Variants in RUNX2 observed in about 807,000 individuals in gnomAD.
RUNX2 encodes runt-related transcription factor 2.
RUNX2 carries 10 observed loss-of-function variants against 51.7 expected under a neutral mutation model. The observed-to-expected ratio is 0.19, with a 90% confidence interval of 0.12 to 0.33. The LOEUF (loss-of-function observed/expected upper bound fraction) is 0.33. Ranked by LOEUF, RUNX2 falls within the 10% of genes least tolerant of loss-of-function variation. The probability of loss-of-function intolerance (pLI) is 1.00; values close to 1 mark genes in which losing one functional copy is unlikely to be tolerated. For missense variants in RUNX2, 562 were observed against 691.3 expected (o/e 0.81, Z 2.10); for synonymous variants, 276 against 273.6 (o/e 1.01, Z -0.09).
chr6:45,396,870 A>G (rs1199812688), intron 2 of RUNX2, among the ~76,000 whole-genome samples: 1 of 152,212 alleles, frequency 6.6e-6, no homozygotes, highest in Non-Finnish European at 1.5e-5. Context: ...AACAATATCC[A>G]TTGAACAGAT....
At chr6:45,512,996 G>A (rs946314093) in intron 7 of RUNX2, among the ~76,000 whole-genome samples, 2 of 152,144 alleles carry the variant, frequency 1.3e-5, no homozygotes, top group East Asian at 3.9e-4. Context: ...CATAATGCAT[G>A]CTGCTGTCAC....
intron 5 of RUNX2, among the ~76,000 whole-genome samples, chr6:45,450,631 T>G: frequency 6.6e-6 from 1 of 151,814 alleles, no homozygotes; most frequent in African/African-American, 2.4e-5. Flanking sequence ...TATTGAAGAG[T>G]GGTCCAAGGA....
chr6:45,396,620 G>C (rs890306598), intron 2 of RUNX2, among the ~76,000 whole-genome samples: 7 of 152,162 alleles, frequency 4.6e-5, no homozygotes, highest in African/African-American at 1.7e-4. Context: ...TGTTCAGCCT[G>C]CTCTCAAATT....
chr6:45,507,876 G>C (rs186099847), intron 6 of RUNX2, among the ~76,000 whole-genome samples: 5 of 152,332 alleles, frequency 3.3e-5, no homozygotes, highest in Admixed American at 3.3e-4. Flanking sequence ...CAGTAAGATA[G>C]AGTCTTTAAC....
chr6:45,426,503 G>A (rs1311686855), intron 3 of RUNX2, among the ~76,000 whole-genome samples: 1 of 152,194 alleles, frequency 6.6e-6, no homozygotes, highest in African/African-American at 2.4e-5. Flanking sequence ...GTGAAGCCTG[G>A]TGTTCAGGGT....
At chr6:45,493,904 T>G (rs1418637640) in intron 6 of RUNX2, among the ~76,000 whole-genome samples, 1 of 152,180 alleles carries the variant, frequency 6.6e-6, no homozygotes. Context: ...ATTTCTGTAT[T>G]CTGATCATTA....
chr6:45,331,156 A>G (rs1787426881), intron 2 of RUNX2, among the ~76,000 whole-genome samples: 1 of 151,862 alleles, frequency 6.6e-6, no homozygotes, highest in South Asian at 2.1e-4. Context: ...CTAGAGAAAG[A>G]GTATGTCTGT....
At chr6:45,508,524 G>T (rs915441958) in intron 6 of RUNX2, among the ~76,000 whole-genome samples, 1 of 151,958 alleles carries the variant, frequency 6.6e-6, no homozygotes, top group Non-Finnish European at 1.5e-5. Flanking sequence ...CACTGCTCCC[G>T]GCCTATTTTA....
chr6:45,357,075 C>T (rs545904688), intron 2 of RUNX2, among the ~76,000 whole-genome samples: 1 of 151,880 alleles, frequency 6.6e-6, no homozygotes, highest in South Asian at 2.1e-4. Flanking sequence ...GGCACGATCT[C>T]GGCTCACTGC....
chr6:45,369,770 C>T (rs1225465178), intron 2 of RUNX2, among the ~76,000 whole-genome samples: 1 of 152,092 alleles, frequency 6.6e-6, no homozygotes, highest in Non-Finnish European at 1.5e-5. Flanking sequence ...CATTATAATG[C>T]AAGAGACAAG....
intron 2 of RUNX2, among the ~76,000 whole-genome samples, chr6:45,336,727 A>G (rs975241468): frequency 1.2e-4 from 18 of 151,434 alleles, no homozygotes; most frequent in African/African-American, 4.1e-4. Flanking sequence ...TTTACTTACA[A>G]AGTAAATACA....
chr6:45,467,136 C>T (rs1799657310), intron 5 of RUNX2, among the ~76,000 whole-genome samples: 1 of 152,172 alleles, frequency 6.6e-6, no homozygotes, highest in African/African-American at 2.4e-5. Flanking sequence ...TTTCAGTCCT[C>T]ATGATCCTTG....
At chr6:45,440,460 G>A (rs1037719153) in intron 5 of RUNX2, among the ~76,000 whole-genome samples, 6 of 152,172 alleles carry the variant, frequency 3.9e-5, no homozygotes, top group Non-Finnish European at 8.8e-5. Flanking sequence ...ACTGGCACAC[G>A]TTTTCTACGG....
intron 5 of RUNX2, among the ~76,000 whole-genome samples, chr6:45,480,940 G>A (rs1430033033): frequency 1.3e-5 from 2 of 152,110 alleles, no homozygotes; most frequent in African/African-American, 2.4e-5. Context: ...TTTTTCTTTG[G>A]TTATTACTTT....
At position 45,420,398 on chromosome 6, in the gene RUNX2, T is replaced by G. The variant is rs562267171; in HGVS notation, c.59-2195T>G. 1.9e-3 allele frequency among the ~76,000 whole-genome samples: 286 copies of G among 152,294 alleles called. 2 individuals are homozygous for G. Among genetic ancestry groups the G allele is most frequent in the African/African-American group, 6.5e-3 (272 of 41,580 alleles). On this transcript the variant is annotated intron_variant, in intron 2 of 8. Coordinates refer to ENST00000647337, the MANE Select transcript of RUNX2 (RefSeq NM_001024630.4). ...CTCTAAAACCAGACAGGGAGGGTCG[T>G]GGCAGGTCGCTACGAGGGTGAGGGA...
chr6:45,444,096 C>T (rs569222524), intron 5 of RUNX2, among the ~76,000 whole-genome samples: 86 of 152,202 alleles, frequency 5.7e-4, no homozygotes, highest in African/African-American at 1.9e-3. Context: ...GTGATCTGCC[C>T]GCCTCGGCCT....
At position 45,512,270 on chromosome 6, in the gene RUNX2, C is replaced by G. The variant is rs763466386; in HGVS notation, c.884C>G (p.Pro295Arg). ...GACCCCAGGCAGGCACAGTCTTCCC[C>G]GCCGTGGTCCTATGACCAGTCTTAC... is the stretch of plus-strand genomic sequence containing the variant. ...ITDPRQAQSS[P>R]PWSYDQSYPS... Residue 295 changes from proline to arginine, a missense_variant, in exon 7 of 9, where the codon CCG (proline) becomes CGG (arginine). This residue lies in a region of RUNX2 where 304 missense variants were observed against 353.2 expected (regional missense o/e 0.86). Transcript: ENST00000647337. 1 of 1,614,018 alleles carries G rather than the reference C, an allele frequency of 6.2e-7. No homozygotes were observed. The highest frequency in any genetic ancestry group is 8.5e-7 in the Non-Finnish European group (1 of 1,179,998).
chr6:45,447,270 G>T (rs1235073048), intron 5 of RUNX2, among the ~76,000 whole-genome samples: 1 of 152,208 alleles, frequency 6.6e-6, no homozygotes, highest in Non-Finnish European at 1.5e-5. Flanking sequence ...CAGTTTTGCT[G>T]CAGGTCAACT....
intron 2 of RUNX2, among the ~76,000 whole-genome samples, chr6:45,339,229 T>C (rs940537096): frequency 2.0e-5 from 3 of 152,110 alleles, no homozygotes; most frequent in African/African-American, 4.8e-5. Context: ...CTTCTTATGT[T>C]ACAGTGGTAT....
Sources: gnomAD v4.1 joint callset for allele counts (sites outside exome capture counted in the v4.1 genomes callset) on GRCh38, gnomAD v4.1.1 for gene constraint, gnomAD v4.1.1 regional missense constraint, MANE v1.5 for transcripts, NCBI Gene and HGNC (gene_info 2026-07-23, HGNC 2026-07-21) for gene names.